The following PHACTR2 variants were observed in gnomAD, a reference collection of about 807,000 sequenced individuals.
PHACTR2 encodes chromosome 6 open reading frame 56.
A neutral mutation model predicts 76.0 loss-of-function variants in PHACTR2; 30 were observed. That is an observed-to-expected ratio of 0.39 (90% CI 0.30 to 0.54). The LOEUF is 0.54. Ranked by LOEUF, PHACTR2 falls within the 20% of genes least tolerant of loss-of-function variation. The probability of loss-of-function intolerance (pLI) is 0.61; values close to 1 mark genes in which losing one functional copy is unlikely to be tolerated. For missense variants in PHACTR2, 696 were observed against 781.1 expected (o/e 0.89, Z 1.30); for synonymous variants, 292 against 292.5 (o/e 1.00, Z 0.02).
rs73778643 is a variant in PHACTR2, at chr6:143,642,429, C to T, written c.13+34107C>T. On this transcript the variant is annotated intron_variant, in intron 1 of 11. Transcript: ENST00000305766. ...CACCTCATTGTGTCAAAGATTTGCA[C>T]CTTCTTATCTTCAGAGCTCTTAGAA... 3.1e-3 allele frequency among the ~76,000 whole-genome samples: 473 copies of T among 152,282 alleles called. 1 individual carries two copies. The highest frequency in any genetic ancestry group is 0.011 in the African/African-American group (451 of 41,548).
chr6:143,563,551 CAAAAAAAA>C (rs76587878), intron 1 of PHACTR2, among the ~76,000 whole-genome samples: 3,646 of 29,958 alleles, frequency 0.12, 173 homozygotes, highest in African/African-American at 0.29. Flanking sequence ...AACTCCGTCT[CAAAAAAAA>C]AAAAAAAAAA....
chr6:143,695,179 G>A lies in PHACTR2; in HGVS notation c.47-16837G>A, dbSNP rs187092209. 1.1e-3 allele frequency among the ~76,000 whole-genome samples: 166 copies of A among 152,320 alleles called. 1 individual carries two copies. In the Middle Eastern group the frequency reaches 0.024, roughly 22 times the overall value. On this transcript the variant is annotated intron_variant, in intron 1 of 12. Transcript: ENST00000440869. The surrounding 1 kb of genome is among the most constrained non-coding windows in gnomAD (Gnocchi z 4.4). The stretch of plus-strand genomic sequence containing the variant: ...GAGATACAAGCATTCTACAAAGGCT[G>A]CAAACAAGACTCACTTCTCTTAGGC...
chr6:143,732,253 C>T (rs1778716857), intron 2 of PHACTR2, among the ~76,000 whole-genome samples: 1 of 152,212 alleles, frequency 6.6e-6, no homozygotes. Context: ...ACATTTCCAT[C>T]ACTCTAGAAA....
At position 143,696,282 on chromosome 6, in the gene PHACTR2, G is replaced by A. The variant is rs898632299; in HGVS notation, c.47-15734G>A. 1.3e-5 allele frequency among the ~76,000 whole-genome samples: 2 copies of A among 152,178 alleles called. No homozygotes were observed. The highest frequency in any genetic ancestry group is 2.9e-5 in the Non-Finnish European group (2 of 68,026). On this transcript the variant is annotated intron_variant, in intron 1 of 12. Coordinates refer to ENST00000440869, the MANE Select transcript of PHACTR2 (RefSeq NM_001100164.2). This position sits in a 1 kb window ranked among gnomAD's most constrained non-coding sequence, Gnocchi z 4.1. ...ATCTTGAGACCAACGGAGAATGCAG[G>A]TAACTGTTTTGGGTGGGTATACAGG...
chr6:143,548,817 T>G lies in PHACTR2; in HGVS notation c.217+11610T>G, dbSNP rs1775044783. 6.6e-6 allele frequency among the ~76,000 whole-genome samples: 1 copy of G among 151,988 alleles called. No homozygotes were observed. The highest frequency in any genetic ancestry group is 2.1e-4 in the South Asian group (1 of 4,816). On this transcript the variant is annotated intron_variant, in intron 1 of 11. Transcript: ENST00000367584. This position sits in a 1 kb window ranked among gnomAD's most constrained non-coding sequence, Gnocchi z 4.5. ...AAAGGAAAGAGTAGAGTAAGAAAAC[T>G]ATGTGAAATAAGGAAGCATTTTTTT...
intron 2 of PHACTR2, among the ~76,000 whole-genome samples, chr6:143,725,672 G>A (rs1329422087): frequency 2.0e-5 from 3 of 151,290 alleles, no homozygotes; most frequent in Non-Finnish European, 4.4e-5. Flanking sequence ...CCGTCTCTAC[G>A]AAAAATACAA....
intron 1 of PHACTR2, among the ~76,000 whole-genome samples, chr6:143,590,050 A>G (rs1775672577): frequency 3.3e-5 from 5 of 152,216 alleles, no homozygotes; most frequent in Admixed American, 2.6e-4. Flanking sequence ...TCAGCAATTA[A>G]AACTCATGGT....
Position 143,684,273 on chromosome 6 carries a change from T to G in PHACTR2, c.46+6064T>G, listed in dbSNP as rs1777464024. ...TTGATTTTGTCCTCCAAGCCAGTTC[T>G]TCCCTTGACTTTCTACATTTCACCA... On this transcript the variant is annotated intron_variant, in intron 1 of 12. Coordinates refer to ENST00000440869, the MANE Select transcript of PHACTR2 (RefSeq NM_001100164.2). The surrounding 1 kb of genome is among the most constrained non-coding windows in gnomAD (Gnocchi z 4.3). Among the ~76,000 whole-genome samples, 2 of 152,312 alleles carry G rather than the reference T, an allele frequency of 1.3e-5. No individual in the cohort carries two copies. Among genetic ancestry groups the G allele is most frequent in the South Asian group, 4.1e-4 (2 of 4,828 alleles).
At position 143,750,211 on chromosome 6, in the gene PHACTR2, A is replaced by G. The variant is rs1779154582; in HGVS notation, c.295+1146A>G. 6.6e-6 allele frequency among the ~76,000 whole-genome samples: 1 copy of G among 152,176 alleles called. No individual in the cohort carries two copies. Among genetic ancestry groups the G allele is most frequent in the Non-Finnish European group, 1.5e-5 (1 of 68,022 alleles). Reference sequence around the variant, plus strand: ...AAGCCCTCGCAATTTTAGGTATTTTACTTCAATTTCTGACCTGTCAAACTT... The same window carrying G: ...AAGCCCTCGCAATTTTAGGTATTTTGCTTCAATTTCTGACCTGTCAAACTT... On this transcript the variant is annotated intron_variant, in intron 3 of 12. Transcript: ENST00000440869. The surrounding 1 kb of genome is among the most constrained non-coding windows in gnomAD (Gnocchi z 4.6).
At chr6:143,650,306 C>T (rs1032617097) in intron 1 of PHACTR2, among the ~76,000 whole-genome samples, 1 of 152,160 alleles carries the variant, frequency 6.6e-6, no homozygotes, top group African/African-American at 2.4e-5. Context: ...ATTAAACTGC[C>T]ATCGACAATC....
chr6:143,563,498 G>A (rs1419965884), intron 1 of PHACTR2, among the ~76,000 whole-genome samples: 2 of 139,696 alleles, frequency 1.4e-5, no homozygotes, highest in African/African-American at 2.7e-5. Context: ...GGAGATTGCA[G>A]TGAGCCAAGA....
chr6:143,827,699 A>T lies in PHACTR2; in HGVS notation c.*4010A>T, dbSNP rs943020270. The T allele has an allele frequency of 6.6e-6, 1 of 152,198 alleles. No homozygotes were observed. The highest frequency in any genetic ancestry group is 2.4e-5 in the African/African-American group (1 of 41,460). The allele number at this position is 152,198 out of a possible 1,614,324, so 9.4% of individuals were successfully genotyped here. A position where few individuals can be genotyped will look rare whatever the true frequency, so the allele number is the denominator to read the frequency against. ...TAGAGCATGTTGTGAGTAGTAAGGA[A>T]CTACTTAGATGCAATTTATTTACAG... On this transcript the variant is annotated 3_prime_UTR_variant, in exon 13 of 13. Transcript: ENST00000440869.
chr6:143,817,447 T>C (rs1272363590), intron 12 of PHACTR2, among the ~76,000 whole-genome samples: 1 of 152,004 alleles, frequency 6.6e-6, no homozygotes, highest in Non-Finnish European at 1.5e-5. Flanking sequence ...CTTTCTGGAG[T>C]ATGGACAATG....
rs915272935 is a variant in PHACTR2 at position 143,658,678 on chromosome 6, C to G, written c.13+50356C>G. 2.6e-5 allele frequency among the ~76,000 whole-genome samples: 4 copies of G among 152,038 alleles called. No homozygotes were observed. Among genetic ancestry groups the G allele is most frequent in the African/African-American group, 4.8e-5 (2 of 41,382 alleles). On this transcript the variant is annotated intron_variant, in intron 1 of 11. Transcript: ENST00000305766. This position sits in a 1 kb window ranked among gnomAD's most constrained non-coding sequence, Gnocchi z 4.1. ...AGCATTTGTGTATCTAAACATATAT[C>G]TAAACATAGAAAAGGTATAGCAAAA...
At chr6:143,808,019 A>G (rs1222267116) in intron 12 of PHACTR2, among the ~76,000 whole-genome samples, 2 of 151,854 alleles carry the variant, frequency 1.3e-5, no homozygotes, top group Admixed American at 6.6e-5. Flanking sequence ...TTTTCTTCCT[A>G]TCTTACTGTC....
chr6:143,755,950 T>C lies in PHACTR2; in HGVS notation c.454+2038T>C, dbSNP rs897841129. Among the ~76,000 whole-genome samples, 4 of 152,110 alleles carry C rather than the reference T, an allele frequency of 2.6e-5. No individual in the cohort carries two copies. The highest frequency in any genetic ancestry group is 4.4e-5 in the Non-Finnish European group (3 of 68,040). Reference sequence around the variant, plus strand: ...TCCTCTTCTGGTCTCACTGCTTGTGTGAGCTCACTGCCGTGCAAACCCCAC... The same window carrying C: ...TCCTCTTCTGGTCTCACTGCTTGTGCGAGCTCACTGCCGTGCAAACCCCAC... On this transcript the variant is annotated intron_variant, in intron 4 of 12. Coordinates refer to ENST00000440869, the MANE Select transcript of PHACTR2 (RefSeq NM_001100164.2). The surrounding 1 kb of genome is among the most constrained non-coding windows in gnomAD (Gnocchi z 5.2).
At chr6:143,717,423 G>A (rs1778328540) in intron 2 of PHACTR2, among the ~76,000 whole-genome samples, 1 of 152,144 alleles carries the variant, frequency 6.6e-6, no homozygotes, top group South Asian at 2.1e-4. Flanking sequence ...TTTAAGGGCA[G>A]AGACTATCAC....
chr6:143,615,653 G>A (rs1409035696), intron 1 of PHACTR2, among the ~76,000 whole-genome samples: 2 of 152,174 alleles, frequency 1.3e-5, no homozygotes, highest in African/African-American at 4.8e-5. Context: ...TCATTTGAAA[G>A]ATGTGATAAT....
In PHACTR2 at chr6:143,539,712, A is replaced by G. The variant is rs1781154879; in HGVS notation, c.217+2505A>G. Among the ~76,000 whole-genome samples the G allele has an allele frequency of 6.6e-6, 1 of 152,170 alleles. No homozygotes were observed. Among genetic ancestry groups the G allele is most frequent in the East Asian group, 1.9e-4 (1 of 5,186 alleles). ...CTTGCCAAAACAGCCCCGGACCAGC[A>G]TCTGTGGCCTCATCTCAGAATCTCA... is the stretch of plus-strand genomic sequence containing the variant. On this transcript the variant is annotated intron_variant, in intron 1 of 11. Coordinates refer to the PHACTR2 transcript ENST00000367584. The surrounding 1 kb of genome is among the most constrained non-coding windows in gnomAD (Gnocchi z 4.3).
Sources: gnomAD v4.1 joint callset for allele counts (sites outside exome capture counted in the v4.1 genomes callset) on GRCh38, gnomAD v4.1.1 for gene constraint, Gnocchi (gnomAD v3.1) non-coding constraint, MANE v1.5 for transcripts, NCBI Gene and HGNC (gene_info 2026-07-23, HGNC 2026-07-21) for gene names.